Variants in GNAQ observed in about 807,000 individuals in gnomAD.
GNAQ encodes G protein subunit alpha q.
A neutral mutation model predicts 43.9 loss-of-function variants in GNAQ; 8 were observed. That is an observed-to-expected ratio of 0.18 (90% CI 0.11 to 0.33). The LOEUF is 0.33. Ranked by LOEUF, GNAQ falls within the 10% of genes least tolerant of loss-of-function variation. The pLI, the probability that GNAQ is intolerant of heterozygous loss-of-function variation, is 1.00. For missense variants in GNAQ, 158 were observed against 450.8 expected (o/e 0.35, Z 5.88); for synonymous variants, 155 against 170.7 (o/e 0.91, Z 0.71).
chr9:77,779,617 C>T (rs950451141), intron 5 of GNAQ, among the ~76,000 whole-genome samples: 1 of 143,296 alleles, frequency 7.0e-6, no homozygotes, highest in Non-Finnish European at 1.5e-5. Context: ...GAAACCAAAG[C>T]TGATTCTTCG....
intron 2 of GNAQ, among the ~76,000 whole-genome samples, chr9:77,851,705 G>T (rs1827677849): frequency 1.3e-5 from 2 of 152,182 alleles, no homozygotes; most frequent in South Asian, 2.1e-4. Context: ...TATCCTGGGG[G>T]TTATTACAAA....
chr9:77,958,909 C>A (rs939556406), intron 1 of GNAQ, among the ~76,000 whole-genome samples: 1 of 152,152 alleles, frequency 6.6e-6, no homozygotes, highest in Non-Finnish European at 1.5e-5. Flanking sequence ...CATGATTTTC[C>A]CCTTTTCCCA....
At chr9:77,782,123 T>G (rs1343091575) in intron 5 of GNAQ, among the ~76,000 whole-genome samples, 2 of 152,084 alleles carry the variant, frequency 1.3e-5, no homozygotes, top group African/African-American at 4.8e-5. Flanking sequence ...GGCACATGTA[T>G]ACATATGTAA....
At chr9:77,834,455 G>A (rs993653026) in intron 2 of GNAQ, among the ~76,000 whole-genome samples, 2 of 151,686 alleles carry the variant, frequency 1.3e-5, no homozygotes, top group African/African-American at 4.8e-5. Flanking sequence ...AATGGTTTTT[G>A]TTAAAGAATT....
chr9:77,748,081 C>T (rs1825757258), intron 5 of GNAQ, among the ~76,000 whole-genome samples: 1 of 152,120 alleles, frequency 6.6e-6, no homozygotes, highest in Non-Finnish European at 1.5e-5. Context: ...TTGGGAAGTC[C>T]TTTCACCACT....
At chr9:77,962,892 CAAA>C (rs538653191) in intron 1 of GNAQ, among the ~76,000 whole-genome samples, 1 of 55,228 alleles carries the variant, frequency 1.8e-5, no homozygotes, top group South Asian at 6.2e-4. Context: ...AACTTAGTCT[CAAA>C]AAAAAAAAAA....
chr9:77,760,335 T>C (rs1193328141), intron 5 of GNAQ, among the ~76,000 whole-genome samples: 1 of 152,108 alleles, frequency 6.6e-6, no homozygotes, highest in Non-Finnish European at 1.5e-5. Context: ...GCCTGCTGAG[T>C]GCCTGCGAGT....
At chr9:77,763,079 A>G (rs1458336350) in intron 5 of GNAQ, among the ~76,000 whole-genome samples, 1 of 151,542 alleles carries the variant, frequency 6.6e-6, no homozygotes, top group African/African-American at 2.4e-5. Context: ...TGTGAGAAAC[A>G]CCCAAGAATG....
intron 5 of GNAQ, among the ~76,000 whole-genome samples, chr9:77,777,714 A>G (rs973582173): frequency 6.6e-6 from 1 of 152,078 alleles, no homozygotes; most frequent in Non-Finnish European, 1.5e-5. Context: ...CAAATGCCTA[A>G]TAAACACCTG....
chr9:77,910,343 C>T (rs1828779427), intron 2 of GNAQ, among the ~76,000 whole-genome samples: 1 of 152,142 alleles, frequency 6.6e-6, no homozygotes, highest in African/African-American at 2.4e-5. Flanking sequence ...AAAATAGATG[C>T]ATTGTTTTAA....
chr9:77,840,400 A>G (rs1854325), intron 2 of GNAQ, among the ~76,000 whole-genome samples: 126,233 of 151,078 alleles, frequency 0.84, 53,168 homozygotes, highest in African/African-American at 0.94. Context: ...ACAGTGGCAT[A>G]ATCTTGGCTC....
At chr9:78,011,493 T>C (rs10781477) in intron 1 of GNAQ, among the ~76,000 whole-genome samples, 13,701 of 152,296 alleles carry the variant, frequency 0.09, 841 homozygotes, top group East Asian at 0.24. Flanking sequence ...AAAAATGGAC[T>C]ATAATTGCTT....
rs1564120114 is a variant in GNAQ at position 77,819,029 on chromosome 9, A to AAAAAAAAAAAAAAAAAAAAAAAAAAAG, written c.322-3260_322-3259insCTTTTTTTTTTTTTTTTTTTTTTTTTT. ...AAAAAAAAAAAAAAAAAAAAAAAAA[A>AAAAAAAAAAAAAAAAAAAAAAAAAAAG]CACCCAAAAATACCTAGTATGATTT... On this transcript the variant is annotated intron_variant, in intron 2 of 6. Coordinates refer to ENST00000286548, the MANE Select transcript of GNAQ (RefSeq NM_002072.5). Among the ~76,000 whole-genome samples the AAAAAAAAAAAAAAAAAAAAAAAAAAAG allele has an allele frequency of 1.7e-5, 2 of 119,184 alleles. 1 individual carries two copies. The highest frequency in any genetic ancestry group is 3.6e-5 in the Non-Finnish European group (2 of 55,984). The allele number at this position is 119,184 out of a possible 152,430, so 78.2% of individuals were successfully genotyped here.
At chr9:77,815,504 T>G (rs1826997935) in intron 3 of GNAQ, 112 bp downstream of exon 3, 1 of 638,614 alleles carries the variant, frequency 1.6e-6, no homozygotes, top group Non-Finnish European at 2.6e-6. Flanking sequence ...ACTTTTAAAG[T>G]TTTAATCATA....
At chr9:77,905,272 G>GT (rs1217464559) in intron 2 of GNAQ, among the ~76,000 whole-genome samples, 3 of 152,110 alleles carry the variant, frequency 2.0e-5, no homozygotes, top group African/African-American at 7.2e-5. Flanking sequence ...AACAATTCCT[G>GT]TTTTTACAAC....
chr9:77,774,765 G>C (rs765163466), intron 5 of GNAQ, among the ~76,000 whole-genome samples: 1 of 152,076 alleles, frequency 6.6e-6, no homozygotes, highest in Non-Finnish European at 1.5e-5. Flanking sequence ...GCCCAGCTCA[G>C]CTTACTTTTA....
At chr9:77,915,920 C>T (rs1386069003) in intron 2 of GNAQ, among the ~76,000 whole-genome samples, 1 of 152,206 alleles carries the variant, frequency 6.6e-6, no homozygotes, top group Non-Finnish European at 1.5e-5. Context: ...CCTTCTTCCA[C>T]CAACTGTACC....
chr9:77,842,752 C>G (rs1827512247), intron 2 of GNAQ, among the ~76,000 whole-genome samples: 1 of 152,102 alleles, frequency 6.6e-6, no homozygotes, highest in Non-Finnish European at 1.5e-5. Flanking sequence ...CCAACCCAAG[C>G]TGAGATGGCT....
At chr9:77,846,332 G>A (rs893252290) in intron 2 of GNAQ, among the ~76,000 whole-genome samples, 5 of 152,112 alleles carry the variant, frequency 3.3e-5, no homozygotes, top group South Asian at 2.1e-4. Context: ...AGCGCTTTCC[G>A]CCTGCTTCAA....
Sources: gnomAD v4.1 joint callset for allele counts (sites outside exome capture counted in the v4.1 genomes callset) on GRCh38, gnomAD v4.1.1 for gene constraint, MANE v1.5 for transcripts, NCBI Gene and HGNC (gene_info 2026-07-23, HGNC 2026-07-21) for gene names.